Variants in CDH8 observed in about 807,000 individuals in gnomAD.
The protein encoded by CDH8 is cadherin 8, also known as cadherin-8.
CDH8 carries 17 observed loss-of-function variants against 68.1 expected under a neutral mutation model. The observed-to-expected ratio is 0.25, with a 90% CI of 0.17 to 0.37. CDH8 has a LOEUF of 0.37. Ranked by LOEUF, CDH8 falls within the 10% of genes least tolerant of loss-of-function variation. The probability of loss-of-function intolerance (pLI) is 1.00; values close to 1 mark genes in which losing one functional copy is unlikely to be tolerated. For missense variants in CDH8, 763 were observed against 999.3 expected, an observed-to-expected ratio of 0.76 and a Z score of 3.19; for synonymous variants, 372 against 365.1, an observed-to-expected ratio of 1.02 and a Z score of -0.21.
intron 7 of CDH8, among the ~76,000 whole-genome samples, chr16:61,793,245 CT>C (rs200429274): frequency 6.7e-5 from 10 of 148,638 alleles, no homozygotes; most frequent in Admixed American, 1.4e-4. Flanking sequence ...TAATTCATTT[CT>C]TTTTTTTTTA....
chr16:61,904,952 A>G (rs1232283597), intron 2 of CDH8, among the ~76,000 whole-genome samples: 1 of 152,230 alleles, frequency 6.6e-6, no homozygotes, highest in Non-Finnish European at 1.5e-5. Flanking sequence ...CAGGAACCCT[A>G]TTGTGAACTG....
intron 3 of CDH8, among the ~76,000 whole-genome samples, chr16:61,861,199 A>T (rs1963143170): frequency 6.6e-6 from 1 of 152,198 alleles, no homozygotes; most frequent in Admixed American, 6.5e-5. Flanking sequence ...AAATATTTTC[A>T]GGCAGTTTGA....
Position 61,996,353 on chromosome 16 carries a change from C to T in CDH8, c.252+24799G>A, listed in dbSNP as rs534041273. On this transcript the variant is annotated intron_variant, in intron 2 of 11. Transcript: ENST00000577390. ...ACATGGGGACAAATTCTGCCCTCCT[C>T]GGAGAATGAATGCAACTAAAAATTA... Among the ~76,000 whole-genome samples, 7 of 152,276 alleles carry T rather than the reference C, an allele frequency of 4.6e-5. No individual in the cohort carries two copies. In the South Asian group the frequency reaches 6.2e-4, roughly 14 times the overall value.
At chr16:61,987,663 C>G (rs369000510) in intron 2 of CDH8, among the ~76,000 whole-genome samples, 1 of 151,996 alleles carries the variant, frequency 6.6e-6, no homozygotes, top group African/African-American at 2.4e-5. Context: ...TTCATAGTCT[C>G]ATACTTCTCT....
intron 4 of CDH8, among the ~76,000 whole-genome samples, chr16:61,848,628 C>T (rs1263498220): frequency 2.0e-5 from 3 of 151,986 alleles, no homozygotes; most frequent in Admixed American, 1.3e-4. Flanking sequence ...ATTGTGTGCA[C>T]GCAGCTAGCT....
intron 10 of CDH8, among the ~76,000 whole-genome samples, chr16:61,675,535 C>G (rs1447408871): frequency 6.7e-6 from 1 of 148,430 alleles, no homozygotes; most frequent in Non-Finnish European, 1.5e-5. Context: ...ACCAGCATGG[C>G]ACATGTATAC....
intron 2 of CDH8, among the ~76,000 whole-genome samples, chr16:61,997,049 T>A (rs143076952): frequency 1.7e-3 from 253 of 152,228 alleles, no homozygotes; most frequent in Middle Eastern, 6.8e-3. Context: ...ATAATCCTTT[T>A]CTGAGGAGTG....
At chr16:61,985,186 C>T (rs1018066116) in intron 2 of CDH8, among the ~76,000 whole-genome samples, 7 of 151,840 alleles carry the variant, frequency 4.6e-5, no homozygotes, top group Non-Finnish European at 1.0e-4. Flanking sequence ...GACTAACATC[C>T]CTTTGCAAGG....
At chr16:61,927,765 G>T (rs79503738) in intron 2 of CDH8, among the ~76,000 whole-genome samples, 6,933 of 152,276 alleles carry the variant, frequency 0.046, 521 homozygotes, top group African/African-American at 0.16. Context: ...GACATGGCAT[G>T]AGGGGCCCAG....
chr16:61,693,579 T>C (rs1237828641), intron 10 of CDH8: 5 of 152,162 alleles, frequency 3.3e-5, no homozygotes, highest in Admixed American at 3.3e-4. Flanking sequence ...AGGTATTGCA[T>C]AGTGTACTCC....
intron 10 of CDH8, among the ~76,000 whole-genome samples, chr16:61,685,262 T>C (rs1463940580): frequency 1.3e-5 from 2 of 151,168 alleles, no homozygotes; most frequent in African/African-American, 2.4e-5. Flanking sequence ...GATTGTCCAG[T>C]GTGATATCAT....
intron 2 of CDH8, among the ~76,000 whole-genome samples, chr16:62,006,402 C>G (rs1965976037): frequency 6.6e-6 from 1 of 152,182 alleles, no homozygotes; most frequent in African/African-American, 2.4e-5. Flanking sequence ...CATTCCAATC[C>G]CAATTCCCCA....
intron 7 of CDH8, among the ~76,000 whole-genome samples, chr16:61,799,925 G>A (rs1015024607): frequency 6.6e-6 from 1 of 152,072 alleles, no homozygotes; most frequent in East Asian, 1.9e-4. Flanking sequence ...CAAAGACAAG[G>A]TCTCACGAGG....
At chr16:61,835,094 T>C (rs187552972) in intron 4 of CDH8, among the ~76,000 whole-genome samples, 47 of 152,104 alleles carry the variant, frequency 3.1e-4, no homozygotes, top group Admixed American at 5.9e-4. Context: ...CCCAGCATCT[T>C]AATATGATTC....
At chr16:61,661,146 T>A (rs190014228) in intron 10 of CDH8, among the ~76,000 whole-genome samples, 2 of 151,976 alleles carry the variant, frequency 1.3e-5, no homozygotes, top group African/African-American at 4.8e-5. Context: ...TATCTAGAAA[T>A]TAAAAAGTAA....
intron 4 of CDH8, among the ~76,000 whole-genome samples, chr16:61,837,824 G>A (rs1294151190): frequency 1.3e-5 from 2 of 151,996 alleles, no homozygotes; most frequent in Non-Finnish European, 2.9e-5. Flanking sequence ...CAATCTAGGT[G>A]TGATTATGCC....
chr16:62,026,648 A>G (rs7500006), intron 1 of CDH8, among the ~76,000 whole-genome samples: 78,168 of 152,110 alleles, frequency 0.51, 21,450 homozygotes, highest in African/African-American at 0.72. Context: ...TCCTCTCCTC[A>G]CAGATCTATT....
chr16:62,028,231 A>AT (rs890626199), intron 1 of CDH8, among the ~76,000 whole-genome samples: 15 of 151,020 alleles, frequency 9.9e-5, no homozygotes, highest in Admixed American at 3.3e-4. Context: ...TGCCCGGCTA[A>AT]TTTTTTTTGT....
chr16:61,655,824 T>G, intron 10 of CDH8, 103 bp from the exon 11 acceptor site: 1 of 996,052 alleles, frequency 1.0e-6, no homozygotes, highest in Non-Finnish European at 1.5e-6. Flanking sequence ...CTCAAGACAA[T>G]CCCGACTTCA....
Sources: gnomAD v4.1 joint callset for allele counts (sites outside exome capture counted in the v4.1 genomes callset) on GRCh38, gnomAD v4.1.1 for gene constraint, MANE v1.5 for transcripts, NCBI Gene and HGNC (gene_info 2026-07-23, HGNC 2026-07-21) for gene names.